DLEU7: variants seen among roughly 807,000 people sequenced by gnomAD.
The protein encoded by DLEU7 is deleted in lymphocytic leukemia 7.
A neutral mutation model predicts 16.0 loss-of-function variants in DLEU7; 17 were observed. That is an observed-to-expected ratio of 1.06 (90% CI 0.73 to 1.59). The LOEUF (loss-of-function observed/expected upper bound fraction) is 1.59. Ranked by LOEUF, DLEU7 falls within the 40% of genes most tolerant of loss-of-function variation. DLEU7 has a pLI of 0.00. For synonymous variants in DLEU7, 113 were observed against 139.8 expected (o/e 0.81, Z 1.35); for missense variants, 308 against 314.9 (o/e 0.98, Z 0.17).
chr13:50,742,687 G>A (rs973911098), intron 1 of DLEU7, among the ~76,000 whole-genome samples: 2 of 152,202 alleles, frequency 1.3e-5, no homozygotes, highest in Non-Finnish European at 2.9e-5. Flanking sequence ...TCTGGTAGCA[G>A]GGGCCAGAAA....
At chr13:50,829,608 C>T (rs1319955102) in intron 1 of DLEU7, among the ~76,000 whole-genome samples, 1 of 152,186 alleles carries the variant, frequency 6.6e-6, no homozygotes, top group Non-Finnish European at 1.5e-5. Context: ...CTGTACTGGT[C>T]CCTGAGGCCC....
Position 50,823,030 on chromosome 13 carries a change from A to G in DLEU7, c.*284T>C, listed in dbSNP as rs145416889. On this transcript the variant is annotated 3_prime_UTR_variant, in exon 2 of 2. Coordinates refer to ENST00000504404, the MANE Select transcript of DLEU7 (RefSeq NM_001306135.2). ...ACTAATAATATGAATAAATATATAC[A>G]TACATAATCAAATCAGCTTCACAAA... The G allele has an allele frequency of 6.9e-4, 709 of 1,032,392 alleles. 9 individuals carry two copies. In the East Asian group the frequency reaches 0.013, roughly 19 times the overall value. The allele number at this position is 1,032,392 out of a possible 1,614,324, so 64.0% of individuals were successfully genotyped here. A position where few individuals can be genotyped will look rare whatever the true frequency, so the allele number is the denominator to read the frequency against.
intron 1 of DLEU7, among the ~76,000 whole-genome samples, chr13:50,753,939 C>T (rs1159437304): frequency 1.3e-5 from 2 of 152,214 alleles, no homozygotes; most frequent in Non-Finnish European, 2.9e-5. Context: ...ACCAAGTGCT[C>T]ATTCAGGAGC....
chr13:50,807,559 C>G (rs1276014053), intron 1 of DLEU7, among the ~76,000 whole-genome samples: 1 of 151,434 alleles, frequency 6.6e-6, no homozygotes, highest in African/African-American at 2.4e-5. Context: ...GAGCTTTTGA[C>G]TGAGAAATTG....
At chr13:50,766,790 T>C (rs1000791349) in intron 1 of DLEU7, among the ~76,000 whole-genome samples, 5 of 152,056 alleles carry the variant, frequency 3.3e-5, no homozygotes, top group Non-Finnish European at 1.5e-5. Context: ...CTCGACACAC[T>C]TGACATCCCA....
chr13:50,740,412 C>A (rs547084064), intron 1 of DLEU7, among the ~76,000 whole-genome samples: 6 of 152,272 alleles, frequency 3.9e-5, no homozygotes, highest in African/African-American at 1.2e-4. Flanking sequence ...TGTGACTAAA[C>A]CTGAATTTCA....
At chr13:50,814,761 A>AGTGTGTGTGTGT (rs10670911) in intron 1 of DLEU7, among the ~76,000 whole-genome samples, 6,101 of 138,556 alleles carry the variant, frequency 0.044, 167 homozygotes, top group African/African-American at 0.072. Flanking sequence ...TATTCATGTG[A>AGTGTGTGTGTGT]GTGTGTGTGT....
At chr13:50,763,587 C>G (rs1048661848) in intron 1 of DLEU7, among the ~76,000 whole-genome samples, 2 of 152,210 alleles carry the variant, frequency 1.3e-5, no homozygotes, top group South Asian at 2.1e-4. Context: ...AAGTGGGAAA[C>G]AGAACTGTCA....
rs75201045 is a variant in DLEU7 at position 50,795,437 on chromosome 13, C to T, written c.459+47751G>A. On this transcript the variant is annotated intron_variant, in intron 1 of 1. Transcript: ENST00000400393. ...GGGGAAGACAGTAGAAATGTAGCCC[C>T]TGACCTTGGTTCTCTTCATTCCAGC... Among the ~76,000 whole-genome samples the T allele has an allele frequency of 3.9e-3, 596 of 152,282 alleles. 3 individuals carry two copies. Among genetic ancestry groups the T allele is most frequent in the African/African-American group, 0.014 (571 of 41,546 alleles).
chr13:50,747,070 A>C (rs745594322), intron 1 of DLEU7, among the ~76,000 whole-genome samples: 56 of 152,226 alleles, frequency 3.7e-4, no homozygotes, highest in Non-Finnish European at 7.3e-4. Context: ...AATGATAATA[A>C]GAACCAGAAT....
At chr13:50,788,394 C>CGT (rs1343263597) in intron 1 of DLEU7, among the ~76,000 whole-genome samples, 2 of 152,134 alleles carry the variant, frequency 1.3e-5, no homozygotes, top group South Asian at 2.1e-4. Context: ...CCCTCCTGTG[C>CGT]GTGTGTGTGA....
chr13:50,739,947 G>C lies in DLEU7; in HGVS notation c.460-26707C>G, dbSNP rs757017307. Among the ~76,000 whole-genome samples, 53 of 152,142 alleles carry C rather than the reference G, an allele frequency of 3.5e-4. 1 individual carries two copies. Among genetic ancestry groups the C allele is most frequent in the Non-Finnish European group, 5.9e-4 (40 of 67,976 alleles). On this transcript the variant is annotated intron_variant, in intron 1 of 1. Coordinates refer to the DLEU7 transcript ENST00000400393. The stretch of plus-strand genomic sequence containing the variant: ...TTTTTTTTTTATTAAATCAGAAATG[G>C]GTTAATGAATGGTAGGGCATATAGA...
chr13:50,794,741 C>T (rs1436965133), intron 1 of DLEU7, among the ~76,000 whole-genome samples: 1 of 152,086 alleles, frequency 6.6e-6, no homozygotes, highest in East Asian at 1.9e-4. Context: ...TTCCTTTTAA[C>T]TGAGGCTCAA....
intron 1 of DLEU7, among the ~76,000 whole-genome samples, chr13:50,720,358 G>C (rs1873566255): frequency 6.6e-6 from 1 of 152,054 alleles, no homozygotes; most frequent in South Asian, 2.1e-4. Flanking sequence ...TTAAAAATGG[G>C]GCTCTTGCAA....
chr13:50,775,321 T>C (rs544699210), intron 1 of DLEU7, among the ~76,000 whole-genome samples: 2 of 152,304 alleles, frequency 1.3e-5, no homozygotes, highest in African/African-American at 4.8e-5. Context: ...AGAATGGTTT[T>C]ATTTTAGTTT....
intron 1 of DLEU7, among the ~76,000 whole-genome samples, chr13:50,767,659 C>G (rs906302312): frequency 1.3e-5 from 2 of 152,054 alleles, no homozygotes; most frequent in African/African-American, 4.8e-5. Flanking sequence ...AAAATAGGAC[C>G]AGAATTCAAG....
At chr13:50,841,243 C>T (rs1441344719) in intron 1 of DLEU7, among the ~76,000 whole-genome samples, 6 of 152,130 alleles carry the variant, frequency 3.9e-5, no homozygotes, top group Non-Finnish European at 8.8e-5. Flanking sequence ...TAACTGGCCC[C>T]CATTTGTGTC....
At position 50,843,252 on chromosome 13, in the gene DLEU7, A is replaced by G. The variant is rs1178625562; in HGVS notation, c.395T>C (p.Val132Ala). The G allele has an allele frequency of 1.9e-6, 3 of 1,594,550 alleles. No homozygotes were observed. The change falls in exon 1 of 2, where the codon GTC becomes GCC. Residue 132 changes from valine (V) to alanine (A), a missense_variant. By Grantham distance (64) the Val-to-Ala change is moderately conservative (BLOSUM62 0). Transcript: ENST00000504404. The surrounding 1 kb of genome is among the most constrained non-coding windows in gnomAD (Gnocchi z 5.7). ...ARVVDSTSEL[V>A]SVEQTLLGPL... ...CCCCAGCAGCGTCTGCTCCACGCTG[A>G]CCAGCTCCGAAGTCGAGTCCACCAC...
chr13:50,798,939 G>C (rs1483890713), intron 1 of DLEU7, among the ~76,000 whole-genome samples: 2 of 152,128 alleles, frequency 1.3e-5, no homozygotes, highest in African/African-American at 4.8e-5. Flanking sequence ...AGGGCTTCTT[G>C]CTTCTCCTCC....
Sources: allele counts gnomAD v4.1 joint callset (sites outside exome capture counted in the v4.1 genomes callset), GRCh38; gene constraint gnomAD v4.1.1; non-coding constraint Gnocchi (gnomAD v3.1); transcripts MANE v1.5; gene names NCBI Gene and HGNC (gene_info 2026-07-23, HGNC 2026-07-21).